The following IRAG1 variants were observed in gnomAD, a reference collection of about 807,000 sequenced individuals.
IRAG1 encodes inositol 1,4,5-triphosphate receptor associated 1.
Under a neutral mutation model 106.2 loss-of-function variants are expected in IRAG1, and 62 were observed. The observed-to-expected ratio is 0.58, with a 90% CI of 0.48 to 0.72. The LOEUF (loss-of-function observed/expected upper bound fraction) is 0.72, where lower values mean the gene tolerates loss of function less well. IRAG1 is among the 30% of genes least tolerant of loss of function. The probability of loss-of-function intolerance (pLI) is 0.00; values close to 1 mark genes in which losing one functional copy is unlikely to be tolerated. For synonymous variants in IRAG1, 462 were observed against 443.9 expected, an observed-to-expected ratio of 1.04 and a Z score of -0.51; for missense variants, 1,064 against 1,140.7, an observed-to-expected ratio of 0.93 and a Z score of 0.97.
intron 1 of IRAG1, among the ~76,000 whole-genome samples, chr11:10,688,368 G>A (rs996359788): frequency 6.6e-6 from 1 of 152,090 alleles, no homozygotes; most frequent in Non-Finnish European, 1.5e-5. Flanking sequence ...CTCAGAGCCC[G>A]GGGTTATTTT....
chr11:10,598,768 T>A (rs1262385080), intron 15 of IRAG1, among the ~76,000 whole-genome samples: 1 of 152,220 alleles, frequency 6.6e-6, no homozygotes, highest in Non-Finnish European at 1.5e-5. Context: ...CTTCTAGAAA[T>A]CTACACTAAG....
chr11:10,578,644 G>C (rs894538141), intron 20 of IRAG1, among the ~76,000 whole-genome samples: 1 of 152,200 alleles, frequency 6.6e-6, no homozygotes, highest in Non-Finnish European at 1.5e-5. Flanking sequence ...TCATGTTTGA[G>C]AGCAGGTGCA....
rs749695445 is a variant in IRAG1, at chr11:10,666,992, TC to T, written c.68-14811del. Among the ~76,000 whole-genome samples the T allele has an allele frequency of 3.9e-5, 6 of 152,292 alleles. No individual in the cohort carries two copies. The East Asian group carries it at 1.2e-3, about 29-fold the overall frequency. On this transcript the variant is annotated intron_variant, in intron 1 of 20. Coordinates refer to ENST00000423302, the MANE Select transcript of IRAG1 (RefSeq NM_130385.4). ...CAGGGTAGCCCCCAGGCTCCTTAGGTCGGCTCAGACACCCCTCTTTCCTGTG... is the reference window on the plus strand; with the variant it reads ...CAGGGTAGCCCCCAGGCTCCTTAGGTGGCTCAGACACCCCTCTTTCCTGTG...
rs199752240 is a variant in IRAG1, at chr11:10,589,420, A to ATATT, written c.2240+2124_2240+2127dup. Reference sequence around the variant, plus strand: ...GGGAATCAAGTAAATTTTCCACTTTATATTTATTTATTTATTTATTTGTAT... The same window carrying ATATT: ...GGGAATCAAGTAAATTTTCCACTTTATATTTATTTATTTATTTATTTATTTGTAT... On this transcript the variant is annotated intron_variant, in intron 18 of 20. Coordinates refer to ENST00000423302, the MANE Select transcript of IRAG1 (RefSeq NM_130385.4). Among the ~76,000 whole-genome samples, 521 of 152,110 alleles carry ATATT rather than the reference A, an allele frequency of 3.4e-3. 2 individuals carry two copies. Among genetic ancestry groups the ATATT allele is most frequent in the South Asian group, 0.02 (95 of 4,808 alleles).
chr11:10,685,971 G>C (rs896526040), intron 1 of IRAG1, among the ~76,000 whole-genome samples: 1 of 152,094 alleles, frequency 6.6e-6, no homozygotes, highest in African/African-American at 2.4e-5. Context: ...ACGGGGACCA[G>C]TTAGATCTCA....
intron 18 of IRAG1, among the ~76,000 whole-genome samples, chr11:10,583,080 G>A (rs929684490): frequency 2.0e-5 from 3 of 152,238 alleles, no homozygotes; most frequent in African/African-American, 7.2e-5. Context: ...TTTTGGACAA[G>A]AGACATTTGC....
chr11:10,625,367 C>T (rs1345777718), intron 9 of IRAG1, among the ~76,000 whole-genome samples: 1 of 152,158 alleles, frequency 6.6e-6, no homozygotes, highest in African/African-American at 2.4e-5. Flanking sequence ...CCCAATCATA[C>T]CCTGCATAGG....
In IRAG1 at chr11:10,659,215, A is replaced by G. The variant is rs1859205016; in HGVS notation, c.68-7033T>C. Among the ~76,000 whole-genome samples, 1 of 152,166 alleles carries G rather than the reference A, an allele frequency of 6.6e-6. No individual in the cohort carries two copies. The highest frequency in any genetic ancestry group is 1.5e-5 in the Non-Finnish European group (1 of 68,026). ...TCCCTCCTGGAAGAGAGCCAGCCAC[A>G]GTGTCTGGCCAAGTAGGTATTTGTG... is the stretch of plus-strand genomic sequence containing the variant. On this transcript the variant is annotated intron_variant, in intron 1 of 20. Coordinates refer to ENST00000423302, the MANE Select transcript of IRAG1 (RefSeq NM_130385.4). The surrounding 1 kb of genome is among the most constrained non-coding windows in gnomAD (Gnocchi z 4.1).
At chr11:10,690,465 G>C in intron 1 of IRAG1, 2 of 1,255,722 alleles carry the variant, frequency 1.6e-6, no homozygotes, top group Non-Finnish European at 2.1e-6. Flanking sequence ...GGCTTGTCCA[G>C]GGTCATGGGC....
intron 1 of IRAG1, chr11:10,687,887 G>A: frequency 3.1e-6 from 3 of 965,718 alleles, no homozygotes; most frequent in Middle Eastern, 2.6e-4. Context: ...GGGGGGGGGT[G>A]GTATTTAACT....
intron 10 of IRAG1, chr11:10,617,310 T>C (rs1855509241): frequency 2.3e-6 from 1 of 436,120 alleles, no homozygotes; most frequent in Non-Finnish European, 3.0e-6. Flanking sequence ...AAATAAAAAA[T>C]AGCTTAAACA....
At chr11:10,692,593 T>C (rs2135295637) in intron 1 of IRAG1, among the ~76,000 whole-genome samples, 1 of 152,226 alleles carries the variant, frequency 6.6e-6, no homozygotes, top group South Asian at 2.1e-4. Flanking sequence ...CCCAGGAAGC[T>C]TCCTCCTTTT....
At chr11:10,636,282 G>A (rs988105930) in intron 2 of IRAG1, among the ~76,000 whole-genome samples, 2 of 152,150 alleles carry the variant, frequency 1.3e-5, no homozygotes, top group African/African-American at 4.8e-5. Flanking sequence ...TCAAGTGATT[G>A]CCCTGGTTCA....
chr11:10,606,887 TG>T (rs1323708310), intron 11 of IRAG1, 115 bp from the exon 12 acceptor site: 1 of 962,252 alleles, frequency 1.0e-6, no homozygotes, highest in Non-Finnish European at 1.5e-6. Flanking sequence ...GCTGTGTTGG[TG>T]AGAAGGAAAA....
intron 1 of IRAG1, among the ~76,000 whole-genome samples, chr11:10,668,014 C>T (rs886719454): frequency 6.6e-6 from 1 of 152,198 alleles, no homozygotes; most frequent in Non-Finnish European, 1.5e-5. Context: ...AGGTATCCTG[C>T]ACCCCAGCCT....
intron 1 of IRAG1, among the ~76,000 whole-genome samples, chr11:10,677,515 C>T (rs1785998221): frequency 1.3e-5 from 2 of 152,174 alleles, no homozygotes; most frequent in African/African-American, 4.8e-5. Flanking sequence ...CAAACTCTGA[C>T]TACCCCGTCC....
intron 10 of IRAG1, among the ~76,000 whole-genome samples, chr11:10,613,808 C>T (rs117127664): frequency 0.033 from 5,062 of 152,204 alleles, 135 homozygotes; most frequent in South Asian, 0.062. Context: ...TCTTATCTTC[C>T]GTATTCTTGA....
At chr11:10,663,810 A>C (rs1393254268) in intron 1 of IRAG1, among the ~76,000 whole-genome samples, 1 of 152,200 alleles carries the variant, frequency 6.6e-6, no homozygotes, top group Admixed American at 6.5e-5. Flanking sequence ...ACCCAGCACA[A>C]TGTAGATACG....
intron 1 of IRAG1, among the ~76,000 whole-genome samples, chr11:10,663,020 T>A (rs1216829491): frequency 6.6e-6 from 1 of 152,190 alleles, no homozygotes; most frequent in Non-Finnish European, 1.5e-5. Flanking sequence ...TCCCGGCCTC[T>A]GAACCTGAAG....
Sources: gnomAD v4.1 joint callset for allele counts (sites outside exome capture counted in the v4.1 genomes callset) on GRCh38, gnomAD v4.1.1 for gene constraint, Gnocchi (gnomAD v3.1) non-coding constraint, MANE v1.5 for transcripts, NCBI Gene and HGNC (gene_info 2026-07-23, HGNC 2026-07-21) for gene names.